The following TLE4 variants were observed in gnomAD, a reference collection of about 807,000 sequenced individuals.
The protein encoded by TLE4 is transducin-like enhancer protein 4.
Under a neutral mutation model 92.8 loss-of-function variants are expected in TLE4, and 8 were observed. The ratio of observed to expected loss-of-function variants is 0.09; its 90% CI spans 0.05 to 0.16. TLE4 has a LOEUF of 0.16. Ranked by LOEUF, TLE4 falls within the 10% of genes least tolerant of loss-of-function variation. TLE4 has a pLI of 1.00. For missense variants in TLE4, 675 were observed against 997.6 expected (o/e 0.68, Z 4.36); for synonymous variants, 371 against 374.1 (o/e 0.99, Z 0.10).
At chr9:79,645,606 A>G (rs1331646901) in intron 6 of TLE4, among the ~76,000 whole-genome samples, 1 of 152,218 alleles carries the variant, frequency 6.6e-6, no homozygotes, top group Non-Finnish European at 1.5e-5. Flanking sequence ...CTTTGTGCCA[A>G]ACTTGAAACT....
chr9:79,606,904 A>C (rs1428203748), intron 4 of TLE4, among the ~76,000 whole-genome samples: 3 of 152,176 alleles, frequency 2.0e-5, no homozygotes, highest in Admixed American at 2.0e-4. Context: ...TAATGGGATC[A>C]CTGGGTCAAG....
At chr9:79,574,618 T>G (rs1358664835) in intron 2 of TLE4, among the ~76,000 whole-genome samples, 4 of 152,126 alleles carry the variant, frequency 2.6e-5, no homozygotes, top group Admixed American at 2.0e-4. Context: ...TTAAACTGAT[T>G]AGAGGATTTG....
At chr9:79,670,307 C>A (rs2062088671) in intron 8 of TLE4, among the ~76,000 whole-genome samples, 1 of 151,990 alleles carries the variant, frequency 6.6e-6, no homozygotes, top group Admixed American at 6.6e-5. Flanking sequence ...AGCATGACTC[C>A]AAAATTATGA....
chr9:79,607,034 CTGT>C (rs1481070169), intron 4 of TLE4, among the ~76,000 whole-genome samples: 1 of 152,122 alleles, frequency 6.6e-6, no homozygotes, highest in Non-Finnish European at 1.5e-5. Flanking sequence ...TCTCCAGCAC[CTGT>C]TGTTTCCTGA....
At chr9:79,623,188 TTTTG>T (rs1157059603) in intron 5 of TLE4, among the ~76,000 whole-genome samples, 2 of 152,000 alleles carry the variant, frequency 1.3e-5, no homozygotes, top group Non-Finnish European at 2.9e-5. Flanking sequence ...GTTCTTTTGT[TTTTG>T]TTTTATTATT....
intron 5 of TLE4, among the ~76,000 whole-genome samples, chr9:79,622,343 CT>C (rs1554719057): frequency 6.6e-6 from 1 of 152,164 alleles, no homozygotes; most frequent in Non-Finnish European, 1.5e-5. Context: ...CCTGCTCTCC[CT>C]CTTCCAGCCA....
Position 79,660,553 on chromosome 9 carries a change from AATTAT to A in TLE4, c.609+6479_609+6483del, listed in dbSNP as rs1282456312. Among the ~76,000 whole-genome samples, 66 of 152,300 alleles carry A rather than the reference AATTAT, an allele frequency of 4.3e-4. No individual in the cohort carries two copies. In the East Asian group the frequency reaches 0.011, roughly 24 times the overall value. On this transcript the variant is annotated intron_variant, in intron 8 of 19. Coordinates refer to ENST00000376552, the MANE Select transcript of TLE4 (RefSeq NM_007005.6). ...TGTTTTAGCATTGCTATTGCTTTTTAATTATTTGTTTACAAGACTTTTAGGTATTT... is the reference window on the plus strand; with the variant it reads ...TGTTTTAGCATTGCTATTGCTTTTTATTGTTTACAAGACTTTTAGGTATTT...
chr9:79,576,214 A>AAT, intron 4 of TLE4, 37 bp downstream of exon 4: 1 of 1,428,420 alleles, frequency 7.0e-7, no homozygotes, highest in Non-Finnish European at 9.6e-7. Context: ...AAATGACAGT[A>AAT]ATACTGGGAC....
intron 6 of TLE4, among the ~76,000 whole-genome samples, chr9:79,639,410 T>G (rs146221973): frequency 1.3e-5 from 2 of 152,260 alleles, no homozygotes. Flanking sequence ...GCTGAAAATA[T>G]TTTATTGCCT....
At chr9:79,590,514 T>A (rs2042285368) in intron 4 of TLE4, among the ~76,000 whole-genome samples, 1 of 152,228 alleles carries the variant, frequency 6.6e-6, no homozygotes. Flanking sequence ...GTACATTATG[T>A]ACAAAAACCT....
chr9:79,648,815 G>T (rs116090449), intron 6 of TLE4, among the ~76,000 whole-genome samples: 2 of 152,158 alleles, frequency 1.3e-5, no homozygotes, highest in African/African-American at 4.8e-5. Context: ...TCATTTCCAG[G>T]TAATGCTGGA....
rs549559768 is a variant in TLE4, at chr9:79,582,923, A to G, written c.252+6746A>G. ...TTTACGCATGGGCAATGGAGTATTT[A>G]CACTGATAATGACAGTTTGCAAGGC... is the stretch of plus-strand genomic sequence containing the variant. On this transcript the variant is annotated intron_variant, in intron 4 of 19. Transcript: ENST00000376552. Among the ~76,000 whole-genome samples, 4 of 152,332 alleles carry G rather than the reference A, an allele frequency of 2.6e-5. No homozygotes were observed. In the South Asian group the frequency reaches 8.3e-4, roughly 32 times the overall value.
At chr9:79,686,541 A>AATT (rs1216387031) in intron 8 of TLE4, among the ~76,000 whole-genome samples, 2 of 152,128 alleles carry the variant, frequency 1.3e-5, no homozygotes, top group African/African-American at 2.4e-5. Flanking sequence ...ATGTCCTTAT[A>AATT]AGGAGAGAGA....
intron 4 of TLE4, among the ~76,000 whole-genome samples, chr9:79,587,865 G>A (rs1354262531): frequency 6.6e-6 from 1 of 152,164 alleles, no homozygotes; most frequent in Non-Finnish European, 1.5e-5. Context: ...GTGCCCACTG[G>A]ATACCAGGTA....
intron 5 of TLE4, among the ~76,000 whole-genome samples, chr9:79,625,361 T>C (rs907084853): frequency 2.6e-5 from 4 of 152,172 alleles, no homozygotes; most frequent in Non-Finnish European, 5.9e-5. Flanking sequence ...TACCTGAAGT[T>C]CTTAAACTTG....
intron 6 of TLE4, 107 bp downstream of exon 6, chr9:79,627,555 C>A: frequency 9.0e-7 from 1 of 1,111,814 alleles, no homozygotes; most frequent in Non-Finnish European, 1.3e-6. Flanking sequence ...CAATAGATGA[C>A]TACAAAATGA....
chr9:79,650,859 G>A (rs1587821579), intron 6 of TLE4, among the ~76,000 whole-genome samples: 1 of 152,068 alleles, frequency 6.6e-6, no homozygotes, highest in Non-Finnish European at 1.5e-5. Flanking sequence ...GTACAAGTCA[G>A]TAAGAGAAAA....
chr9:79,610,663 C>T (rs57044796), intron 4 of TLE4, among the ~76,000 whole-genome samples: 3,828 of 152,036 alleles, frequency 0.025, 71 homozygotes, highest in African/African-American at 0.049. Flanking sequence ...GGTTTCTGCC[C>T]TCCCGTTTCT....
intron 8 of TLE4, among the ~76,000 whole-genome samples, chr9:79,687,009 C>T (rs1047787219): frequency 3.3e-5 from 5 of 152,224 alleles, no homozygotes; most frequent in African/African-American, 9.7e-5. Context: ...GCAGACACTG[C>T]ACTTAGGCTC....
Sources: gnomAD v4.1 joint callset for allele counts (sites outside exome capture counted in the v4.1 genomes callset) on GRCh38, gnomAD v4.1.1 for gene constraint, MANE v1.5 for transcripts, NCBI Gene and HGNC (gene_info 2026-07-23, HGNC 2026-07-21) for gene names.